NBEAL1: variants seen among roughly 807,000 people sequenced by gnomAD.
NBEAL1 encodes the protein neurobeachin like 1.
A neutral mutation model predicts 351.3 loss-of-function variants in NBEAL1; 273 were observed. The observed-to-expected ratio is 0.78, with a 90% CI of 0.70 to 0.86. The LOEUF (loss-of-function observed/expected upper bound fraction) is 0.86. Ranked by LOEUF, NBEAL1 falls within the 40% of genes least tolerant of loss-of-function variation. The pLI is 0.00. For missense variants in NBEAL1, 2,961 were observed against 3,201.3 expected (o/e 0.92, Z 1.81); for synonymous variants, 1,050 against 1,086.4 (o/e 0.97, Z 0.66).
At chr2:203,135,094 T>C (rs896461995) in intron 27 of NBEAL1, among the ~76,000 whole-genome samples, 1 of 150,864 alleles carries the variant, frequency 6.6e-6, no homozygotes, top group Non-Finnish European at 1.5e-5. Flanking sequence ...GAGAGTTGCA[T>C]GAACCTAGGA....
chr2:203,111,447 T>C (rs2062569973), intron 15 of NBEAL1, among the ~76,000 whole-genome samples: 1 of 152,188 alleles, frequency 6.6e-6, no homozygotes, highest in Non-Finnish European at 1.5e-5. Context: ...CTCAGCTTAC[T>C]GCAACTTCTA....
At position 203,096,308 on chromosome 2, in the gene NBEAL1, A is replaced by G. The variant is rs955562400; in HGVS notation, c.1099-1239A>G. On this transcript the variant is annotated intron_variant, in intron 10 of 55. Coordinates refer to ENST00000683969, the MANE Select transcript of NBEAL1 (RefSeq NM_001378026.1). ...TTTATTGTTATGTTAAGCCTTACAT[A>G]TACTCTTCCATAACATATAATACCA... Among the ~76,000 whole-genome samples the G allele has an allele frequency of 1.1e-4, 16 of 152,294 alleles. No homozygotes were observed. In the East Asian group the frequency reaches 2.9e-3, roughly 28 times the overall value.
intron 4 of NBEAL1, among the ~76,000 whole-genome samples, chr2:203,053,007 G>A (rs1414785918): frequency 3.9e-5 from 6 of 152,096 alleles, no homozygotes; most frequent in African/African-American, 1.4e-4. Context: ...GTTACTTCCA[G>A]TTTTTGGAAG....
intron 23 of NBEAL1, 21 bp from the exon 24 acceptor site, chr2:203,127,760 A>G (rs1652396244): frequency 2.1e-6 from 3 of 1,448,360 alleles, no homozygotes; most frequent in South Asian, 2.5e-5. Context: ...TTCAATTCTT[A>G]TACTTTGTTT....
In NBEAL1 at chr2:203,209,337, A is replaced by G. The variant is rs7602883; in HGVS notation, c.7785+15A>G. On this transcript the variant is annotated intron_variant, in intron 53 of 55. Transcript: ENST00000683969. ...CCACCCTCAAGGTATATGACCTTTC[A>G]TGCAATAGAGGTAGACTCCCAATAG... 0.011 allele frequency: 17,413 copies of G among 1,602,020 alleles called. 117 individuals are homozygous for G. The highest frequency in any genetic ancestry group is 0.013 in the Non-Finnish European group (14,941 of 1,169,938).
chr2:203,018,558 T>G (rs2060717777), intron 2 of NBEAL1, among the ~76,000 whole-genome samples: 1 of 152,148 alleles, frequency 6.6e-6, no homozygotes, highest in South Asian at 2.1e-4. Context: ...TGTTTTTACC[T>G]CTGAGGGACA....
At chr2:203,172,917 A>T in intron 41 of NBEAL1, 64 bp downstream of exon 41, 1 of 1,454,600 alleles carries the variant, frequency 6.9e-7, no homozygotes, top group Non-Finnish European at 9.1e-7. Flanking sequence ...TTGATTTTTT[A>T]CTATGGCCAA....
At chr2:203,152,797 G>A (rs2063692471) in intron 35 of NBEAL1, among the ~76,000 whole-genome samples, 1 of 151,734 alleles carries the variant, frequency 6.6e-6, no homozygotes, top group African/African-American at 2.4e-5. Context: ...AGCATTTTGG[G>A]AGGCCGCGGC....
chr2:203,095,017 A>C (rs530170243), intron 10 of NBEAL1, among the ~76,000 whole-genome samples: 1 of 151,996 alleles, frequency 6.6e-6, no homozygotes, highest in African/African-American at 2.4e-5. Flanking sequence ...CCAGCCACTC[A>C]GGAGGCTGAG....
chr2:203,116,495 G>A (rs1251631596), intron 18 of NBEAL1, among the ~76,000 whole-genome samples: 2 of 152,088 alleles, frequency 1.3e-5, no homozygotes, highest in Non-Finnish European at 2.9e-5. Flanking sequence ...AAAAAGGCCA[G>A]AAGGCACAGT....
intron 7 of NBEAL1, among the ~76,000 whole-genome samples, chr2:203,069,525 TGTCAGGGAGC>T (rs1055977929): frequency 6.6e-6 from 1 of 152,244 alleles, no homozygotes; most frequent in Non-Finnish European, 1.5e-5. Context: ...CAAATTGGTG[TGTCAGGGAGC>T]CACTTGGCTT....
Position 203,099,621 on chromosome 2 carries a change from C to G in NBEAL1, c.1186-8C>G. 1.3e-6 allele frequency: 2 copies of G among 1,531,520 alleles called. No individual in the cohort carries two copies. Among genetic ancestry groups the G allele is most frequent in the South Asian group, 1.2e-5 (1 of 80,278 alleles). The allele number at this position is 1,531,520 out of a possible 1,614,324, so 94.9% of individuals were successfully genotyped here. A position where few individuals can be genotyped will look rare whatever the true frequency, so the allele number is the denominator to read the frequency against. On this transcript the variant is annotated splice_polypyrimidine_tract_variant and splice_region_variant and intron_variant, in intron 11 of 55. Transcript: ENST00000683969. ...GTTAATTTCTTGTTTCCCCTTCCCC[C>G]TCAATAGGTGTTTCAGGGACAATTG...
At position 203,217,507 on chromosome 2, in the gene NBEAL1, T is replaced by C; in HGVS notation, c.*153T>C. ...AATTTGCTGTGGTATATAAACTAAT[T>C]CTTGGTCTATACTAAGATGTATTTG... is the stretch of plus-strand genomic sequence containing the variant. On this transcript the variant is annotated 3_prime_UTR_variant, in exon 56 of 56. Transcript: ENST00000683969. 6 of 1,280,926 alleles carry C rather than the reference T, an allele frequency of 4.7e-6. No individual in the cohort carries two copies. The highest frequency in any genetic ancestry group is 5.9e-6 in the Non-Finnish European group (6 of 1,011,986). The allele number at this position is 1,280,926 out of a possible 1,614,324, so 79.3% of individuals were successfully genotyped here. A position where few individuals can be genotyped will look rare whatever the true frequency, so the allele number is the denominator to read the frequency against.
chr2:203,119,628 G>T (rs1269794567), intron 18 of NBEAL1, among the ~76,000 whole-genome samples: 1 of 151,816 alleles, frequency 6.6e-6, no homozygotes, highest in Non-Finnish European at 1.5e-5. Context: ...GTTTCACCAT[G>T]ATGGTCAGGC....
At position 203,201,706 on chromosome 2, in the gene NBEAL1, C is replaced by G; in HGVS notation, c.7402C>G (p.Arg2468Gly). ...AGGCAAAATTATCTCACACATCATC[C>G]GGCATATGGGTAAGCATTAGCTTTT... ...TKGKIISHII[R>G]HMDIVTCLAT... Residue 2468 changes from arginine (R) to glycine (G), a missense_variant, in exon 50 of 56, where the codon CGG (arginine) becomes GGG (glycine). Physicochemically the swap from Arg to Gly is moderately radical, Grantham distance 125. Coordinates refer to ENST00000683969, the MANE Select transcript of NBEAL1 (RefSeq NM_001378026.1). 2 of 1,597,306 alleles carry G rather than the reference C, an allele frequency of 1.3e-6. No individual in the cohort carries two copies. The highest frequency in any genetic ancestry group is 1.7e-6 in the Non-Finnish European group (2 of 1,170,458).
chr2:203,089,626 C>T (rs777252437), intron 10 of NBEAL1, among the ~76,000 whole-genome samples: 1 of 152,090 alleles, frequency 6.6e-6, no homozygotes, highest in Non-Finnish European at 1.5e-5. Flanking sequence ...CCTAGGATCA[C>T]ACACACACCA....
rs768467123 is a variant in NBEAL1, at chr2:203,166,216, A to G, written c.5782A>G (p.Ile1928Val). The change falls in exon 37 of 56, where the codon ATA becomes GTA. Residue 1928 changes from isoleucine (I) to valine (V), a missense_variant. Transcript: ENST00000683969. ...GATGGAAGACTGTGAACTCATTACA[A>G]TAATTGATGTAATTCCTGGCAGATT... Reference protein sequence around the residue: ...VLMEDCELITIIDVIPGRLEI... With the variant: ...VLMEDCELITVIDVIPGRLEI... 2.5e-6 allele frequency: 4 copies of G among 1,610,172 alleles called. No homozygotes were observed. Among genetic ancestry groups the G allele is most frequent in the African/African-American group, 1.3e-5 (1 of 74,958 alleles).
At chr2:203,064,430 A>G (rs1318922245) in intron 6 of NBEAL1, among the ~76,000 whole-genome samples, 1 of 152,204 alleles carries the variant, frequency 6.6e-6, no homozygotes, top group Non-Finnish European at 1.5e-5. Flanking sequence ...TTTGGACAGT[A>G]CTGGGCCAAA....
chr2:203,183,369 A>G lies in NBEAL1; in HGVS notation c.6686A>G (p.Tyr2229Cys), dbSNP rs772938541. The change falls in exon 44 of 56, where the codon TAT becomes TGT. Residue 2229 changes from tyrosine to cysteine, a missense_variant. By Grantham distance (194) the Tyr-to-Cys change is radical (BLOSUM62 -2). Transcript: ENST00000683969. ...KWAKSAEDFI[Y>C]KHRKALESEY... ...GCTAAATCAGCTGAAGATTTCATCT[A>G]TAAACATAGGAAAGCTTTGGTAAGA... 3.8e-6 allele frequency: 6 copies of G among 1,577,898 alleles called. No individual in the cohort carries two copies. Among genetic ancestry groups the G allele is most frequent in the African/African-American group, 2.7e-5 (2 of 73,838 alleles).
Sources: allele counts gnomAD v4.1 joint callset (sites outside exome capture counted in the v4.1 genomes callset), GRCh38; gene constraint gnomAD v4.1.1; transcripts MANE v1.5; gene names NCBI Gene and HGNC (gene_info 2026-07-23, HGNC 2026-07-21).